Variants in MRPS35 observed in about 807,000 individuals in gnomAD.
MRPS35 encodes small ribosomal subunit protein mS35.
Under a neutral mutation model 32.7 loss-of-function variants are expected in MRPS35, and 29 were observed. The observed-to-expected ratio is 0.89, with a 90% CI of 0.66 to 1.21. MRPS35 has a LOEUF of 1.21. Among genes scored for constraint, MRPS35 ranks in the 50% most tolerant of loss-of-function variants. MRPS35 has a pLI of 0.00. For missense variants in MRPS35, 373 were observed against 383.8 expected, an observed-to-expected ratio of 0.97 and a Z score of 0.23; for synonymous variants, 148 against 139.3, an observed-to-expected ratio of 1.06 and a Z score of -0.44.
chr12:27,719,534 C>T (rs1402878451), intron 3 of MRPS35, among the ~76,000 whole-genome samples: 5 of 151,650 alleles, frequency 3.3e-5, no homozygotes, highest in East Asian at 1.9e-4. Context: ...GGCGTGGTGG[C>T]GGGCGCCTGT....
chr12:27,754,090 C>T (rs2062016830), intron 7 of MRPS35, among the ~76,000 whole-genome samples: 1 of 152,070 alleles, frequency 6.6e-6, no homozygotes, highest in Non-Finnish European at 1.5e-5. Flanking sequence ...TCCAACTCTA[C>T]TAAAAATACA....
chr12:27,755,053 A>G, intron 7 of MRPS35, 128 bp from the exon 8 acceptor site: 1 of 1,128,864 alleles, frequency 8.9e-7, no homozygotes, highest in Non-Finnish European at 1.2e-6. Flanking sequence ...GCCTCTCCAC[A>G]TTTTGCAAAC....
intron 7 of MRPS35, among the ~76,000 whole-genome samples, chr12:27,747,859 T>C (rs999126379): frequency 3.3e-5 from 5 of 152,216 alleles, no homozygotes; most frequent in Admixed American, 3.3e-4. Context: ...TATTTTTTGT[T>C]ACTCCTTTTA....
chr12:27,753,222 C>A (rs1363098135), intron 7 of MRPS35, among the ~76,000 whole-genome samples: 1 of 152,068 alleles, frequency 6.6e-6, no homozygotes, highest in Non-Finnish European at 1.5e-5. Flanking sequence ...AATTTGGGGG[C>A]CAGGGAAGAC....
chr12:27,741,558 A>G (rs1408526620), intron 7 of MRPS35, among the ~76,000 whole-genome samples: 2 of 152,164 alleles, frequency 1.3e-5, no homozygotes, highest in Admixed American at 6.5e-5. Flanking sequence ...TTAATTTGGC[A>G]GAGTTTGTAC....
chr12:27,729,572 A>G (rs935265552), intron 5 of MRPS35, among the ~76,000 whole-genome samples: 3 of 152,086 alleles, frequency 2.0e-5, no homozygotes, highest in Admixed American at 6.5e-5. Flanking sequence ...AATAGTGTTT[A>G]TTATGTTAAT....
intron 2 of MRPS35, among the ~76,000 whole-genome samples, chr12:27,715,806 T>G (rs2061847914): frequency 6.6e-6 from 1 of 152,242 alleles, no homozygotes; most frequent in African/African-American, 2.4e-5. Flanking sequence ...TATCAAGTAC[T>G]AGTTTTTCTC....
intron 7 of MRPS35, among the ~76,000 whole-genome samples, chr12:27,750,369 A>G (rs1565472175): frequency 6.6e-6 from 1 of 152,212 alleles, no homozygotes; most frequent in Non-Finnish European, 1.5e-5. Flanking sequence ...CTTAACAACA[A>G]TTGTATGTAA....
chr12:27,723,942 T>G (rs901243491), intron 4 of MRPS35, 105 bp from the exon 5 acceptor site: 3 of 1,096,836 alleles, frequency 2.7e-6, no homozygotes, highest in Non-Finnish European at 3.9e-6. Context: ...TGTTCTTTCA[T>G]GTAACTTGGT....
chr12:27,730,362 CTTG>C (rs146117897), intron 5 of MRPS35, among the ~76,000 whole-genome samples: 10,311 of 152,214 alleles, frequency 0.068, 531 homozygotes, highest in South Asian at 0.16. Context: ...TGTCTTTCAA[CTTG>C]TTGTGTGTTT....
intron 7 of MRPS35, among the ~76,000 whole-genome samples, chr12:27,746,981 C>CA (rs1417560613): frequency 2.0e-5 from 3 of 151,930 alleles, no homozygotes; most frequent in African/African-American, 4.8e-5. Context: ...AGTAATTGTT[C>CA]AAAAAAACAA....
chr12:27,711,068 C>T, intron 1 of MRPS35, 113 bp downstream of exon 1: 1 of 907,750 alleles, frequency 1.1e-6, no homozygotes, highest in South Asian at 1.5e-5. Flanking sequence ...GAGGCCAGTG[C>T]GTCCGCTGCC....
At chr12:27,733,047 A>G (rs1165445863) in intron 5 of MRPS35, among the ~76,000 whole-genome samples, 2 of 118,930 alleles carry the variant, frequency 1.7e-5, no homozygotes, top group Non-Finnish European at 3.4e-5. Flanking sequence ...TATATCCAGC[A>G]CCTCCTGTGA....
chr12:27,754,963 T>A (rs1179109481), intron 7 of MRPS35, among the ~76,000 whole-genome samples: 2 of 152,010 alleles, frequency 1.3e-5, no homozygotes, highest in Non-Finnish European at 2.9e-5. Context: ...TGACAGAGTG[T>A]GCAGCCCTCA....
chr12:27,743,331 C>T (rs61915371), intron 7 of MRPS35, among the ~76,000 whole-genome samples: 7,051 of 151,842 alleles, frequency 0.046, 228 homozygotes, highest in Non-Finnish European at 0.072. Flanking sequence ...AGTTTGAGAC[C>T]AGCCTGGCCA....
chr12:27,729,120 A>G (rs575691086), intron 5 of MRPS35, among the ~76,000 whole-genome samples: 2 of 152,232 alleles, frequency 1.3e-5, no homozygotes, highest in African/African-American at 4.8e-5. Context: ...AAGTATATCT[A>G]TCTTACCTTT....
In MRPS35 at chr12:27,720,258, G is replaced by A. The variant is rs376518082; in HGVS notation, c.382+390G>A. On this transcript the variant is annotated intron_variant, in intron 4 of 7. Transcript: ENST00000081029. ...AATACAAAAAAATTAGTCCTGCATGGTGGCAGGCACCTATAATCCCAGCTA... is the reference window on the plus strand; with the variant it reads ...AATACAAAAAAATTAGTCCTGCATGATGGCAGGCACCTATAATCCCAGCTA... 2.0e-5 allele frequency among the ~76,000 whole-genome samples: 3 copies of A among 152,140 alleles called. No homozygotes were observed. The East Asian group carries it at 5.8e-4, about 29-fold the overall frequency.
intron 2 of MRPS35, among the ~76,000 whole-genome samples, chr12:27,715,634 C>T (rs985376602): frequency 6.6e-6 from 1 of 152,176 alleles, no homozygotes; most frequent in Non-Finnish European, 1.5e-5. Context: ...CAGTCATTTC[C>T]TCAGGACTAT....
intron 7 of MRPS35, among the ~76,000 whole-genome samples, chr12:27,747,611 A>G (rs1368541133): frequency 6.6e-6 from 1 of 152,206 alleles, no homozygotes; most frequent in African/African-American, 2.4e-5. Context: ...TCTCTCATAC[A>G]GCACAAGGCC....
Sources: allele counts gnomAD v4.1 joint callset (sites outside exome capture counted in the v4.1 genomes callset), GRCh38; gene constraint gnomAD v4.1.1; transcripts MANE v1.5; gene names NCBI Gene and HGNC (gene_info 2026-07-23, HGNC 2026-07-21).